Variants in GAREM1 observed in about 807,000 individuals in gnomAD.
GAREM1 encodes the protein GRB2-associated and regulator of MAPK protein 1.
A neutral mutation model predicts 71.3 loss-of-function variants in GAREM1; 26 were observed. The observed-to-expected ratio is 0.36, with a 90% CI of 0.27 to 0.51. The LOEUF is 0.51. Ranked by LOEUF, GAREM1 falls within the 20% of genes least tolerant of loss-of-function variation. The pLI is 0.95. For synonymous variants in GAREM1, 440 were observed against 433.2 expected (o/e 1.02, Z -0.20); for missense variants, 1,026 against 1,103.1 (o/e 0.93, Z 0.99).
intron 2 of GAREM1, among the ~76,000 whole-genome samples, chr18:32,339,845 C>T (rs1239944912): frequency 6.6e-6 from 1 of 152,216 alleles, no homozygotes; most frequent in Non-Finnish European, 1.5e-5. Context: ...ACACATAGTA[C>T]CATTAGTCCT....
intron 1 of GAREM1, among the ~76,000 whole-genome samples, chr18:32,448,474 C>T (rs116261241): frequency 6.6e-6 from 1 of 152,234 alleles, no homozygotes; most frequent in African/African-American, 2.4e-5. Flanking sequence ...ATAGCACTTG[C>T]TACTTACTCT....
chr18:32,424,646 C>A (rs546145943), intron 1 of GAREM1, among the ~76,000 whole-genome samples: 3 of 152,144 alleles, frequency 2.0e-5, no homozygotes, highest in African/African-American at 4.8e-5. Flanking sequence ...ATATTTGGAA[C>A]CAGATGAGAT....
intron 2 of GAREM1, among the ~76,000 whole-genome samples, chr18:32,311,939 G>T (rs2047328184): frequency 1.3e-5 from 2 of 152,212 alleles, no homozygotes; most frequent in Admixed American, 1.3e-4. Context: ...CAGGTAGAAG[G>T]CTCCTACAAT....
chr18:32,381,434 A>C (rs894747731), intron 2 of GAREM1, among the ~76,000 whole-genome samples: 3 of 152,224 alleles, frequency 2.0e-5, no homozygotes, highest in African/African-American at 7.2e-5. Flanking sequence ...ATTTTAAAAA[A>C]TGTTTCCTTA....
Position 32,462,422 on chromosome 18 carries a change from G to A in GAREM1, c.121+7886C>T, listed in dbSNP as rs527322817. ...AAGCCATTTGTATGTCTTCTTTTGAGAAATGCCTATTAAGGTGTTTTGCCC... is the reference window on the plus strand; with the variant it reads ...AAGCCATTTGTATGTCTTCTTTTGAAAAATGCCTATTAAGGTGTTTTGCCC... On this transcript the variant is annotated intron_variant, in intron 1 of 5. Transcript: ENST00000269209. 2.6e-5 allele frequency among the ~76,000 whole-genome samples: 4 copies of A among 152,190 alleles called. No homozygotes were observed. In the South Asian group the frequency reaches 8.3e-4, roughly 32 times the overall value.
chr18:32,314,639 AGT>A (rs1018705799), intron 2 of GAREM1, among the ~76,000 whole-genome samples: 6 of 149,142 alleles, frequency 4.0e-5, no homozygotes, highest in African/African-American at 1.3e-4. Context: ...CCCAGGCTGG[AGT>A]GCAATGCTGC....
intron 2 of GAREM1, among the ~76,000 whole-genome samples, chr18:32,333,094 G>A (rs1268114120): frequency 6.6e-6 from 1 of 151,488 alleles, no homozygotes; most frequent in East Asian, 1.9e-4. Context: ...TGATTAAATA[G>A]TGAGACCTAC....
At chr18:32,307,777 C>T (rs1474462278) in intron 3 of GAREM1, among the ~76,000 whole-genome samples, 1 of 152,160 alleles carries the variant, frequency 6.6e-6, no homozygotes, top group African/African-American at 2.4e-5. Context: ...CCTGCCTCAG[C>T]CTCCCAAAGT....
In GAREM1 at chr18:32,267,161, G is replaced by A. The variant is rs746222590; in HGVS notation, c.*710C>T. ...TCAAAATTATGTGTAAAACATATCC[G>A]GGTGTATTGTGTATGCACCTATACA... On this transcript the variant is annotated 3_prime_UTR_variant, in exon 6 of 6. Transcript: ENST00000269209. The A allele has an allele frequency of 1.3e-5, 2 of 152,034 alleles. No individual in the cohort carries two copies. The highest frequency in any genetic ancestry group is 6.6e-5 in the Admixed American group (1 of 15,266). 9.4% of individuals were successfully genotyped at this position (152,034 alleles called of 1,614,324 possible). A position where few individuals can be genotyped will look rare whatever the true frequency, so the allele number is the denominator to read the frequency against.
At chr18:32,408,346 C>T (rs919270353) in intron 1 of GAREM1, among the ~76,000 whole-genome samples, 10 of 152,054 alleles carry the variant, frequency 6.6e-5, no homozygotes, top group African/African-American at 1.4e-4. Flanking sequence ...TGGTTAAATT[C>T]GTATATATTA....
chr18:32,278,588 A>G lies in GAREM1; in HGVS notation c.1567-8205T>C, dbSNP rs932815331. ...GGAGTTTTGTAACCATGCTTCCTTG[A>G]ACTTTGTAACTTTGCCTTCACTGAC... On this transcript the variant is annotated intron_variant, in intron 4 of 5. Coordinates refer to ENST00000269209, the MANE Select transcript of GAREM1 (RefSeq NM_001242409.2). Among the ~76,000 whole-genome samples, 4 of 152,192 alleles carry G rather than the reference A, an allele frequency of 2.6e-5. No individual in the cohort carries two copies. The East Asian group carries it at 5.8e-4, about 22-fold the overall frequency.
At chr18:32,373,424 T>C (rs1436198233) in intron 2 of GAREM1, among the ~76,000 whole-genome samples, 2 of 152,080 alleles carry the variant, frequency 1.3e-5, no homozygotes, top group Non-Finnish European at 2.9e-5. Context: ...ATGAAGGTAT[T>C]TGGGGGTAGG....
chr18:32,409,185 T>C (rs1383287379), intron 1 of GAREM1, among the ~76,000 whole-genome samples: 1 of 152,158 alleles, frequency 6.6e-6, no homozygotes, highest in African/African-American at 2.4e-5. Context: ...ATGAACTATC[T>C]TAGGTATAAA....
chr18:32,413,780 C>G (rs1195811485), intron 1 of GAREM1, among the ~76,000 whole-genome samples: 1 of 151,888 alleles, frequency 6.6e-6, no homozygotes, highest in Admixed American at 6.6e-5. Context: ...GGAAAAAAAA[C>G]CCACCAAAAC....
intron 1 of GAREM1, among the ~76,000 whole-genome samples, chr18:32,449,025 T>G (rs1424885681): frequency 6.6e-6 from 1 of 152,214 alleles, no homozygotes; most frequent in African/African-American, 2.4e-5. Context: ...GGGAAAACAC[T>G]ACTTGTTGGT....
chr18:32,312,443 T>G (rs1292402665), intron 2 of GAREM1, among the ~76,000 whole-genome samples: 1 of 152,110 alleles, frequency 6.6e-6, no homozygotes, highest in Non-Finnish European at 1.5e-5. Context: ...GGCTGAAAAC[T>G]GTAGGATTCA....
chr18:32,265,537 A>G lies in GAREM1; in HGVS notation c.*2334T>C, dbSNP rs765077083. On this transcript the variant is annotated 3_prime_UTR_variant, in exon 6 of 6. Transcript: ENST00000269209. ...AGGGCAGGGGCTGTGTCTTTTACTC[A>G]GCACTGTAGTGATACTAGACTGTAG... 1 of 152,204 alleles carries G rather than the reference A, an allele frequency of 6.6e-6. No individual in the cohort carries two copies. Among genetic ancestry groups the G allele is most frequent in the African/African-American group, 2.4e-5 (1 of 41,452 alleles). The allele number at this position is 152,204 out of a possible 1,614,324, so 9.4% of individuals were successfully genotyped here.
chr18:32,462,013 C>A (rs932145723), intron 1 of GAREM1, among the ~76,000 whole-genome samples: 1 of 152,224 alleles, frequency 6.6e-6, no homozygotes, highest in African/African-American at 2.4e-5. Flanking sequence ...AACTATAATG[C>A]AGTTGATCAC....
At chr18:32,409,634 CT>C (rs1428148714) in intron 1 of GAREM1, among the ~76,000 whole-genome samples, 1 of 152,144 alleles carries the variant, frequency 6.6e-6, no homozygotes, top group Non-Finnish European at 1.5e-5. Flanking sequence ...CAAAAGACTC[CT>C]TTCTGAACAG....
Sources: allele counts gnomAD v4.1 joint callset (sites outside exome capture counted in the v4.1 genomes callset), GRCh38; gene constraint gnomAD v4.1.1; transcripts MANE v1.5; gene names NCBI Gene and HGNC (gene_info 2026-07-23, HGNC 2026-07-21).